The following APLP2 variants were observed in gnomAD, a reference collection of about 807,000 sequenced individuals.
The protein encoded by APLP2 is CDEI box-binding protein.
A neutral mutation model predicts 89.9 loss-of-function variants in APLP2; 53 were observed. That is an observed-to-expected ratio of 0.59 (90% CI 0.47 to 0.74). APLP2 has a LOEUF of 0.74. Ranked by LOEUF, APLP2 falls within the 30% of genes least tolerant of loss-of-function variation. The pLI is 0.00. For missense variants in APLP2, 973 were observed against 975.9 expected, an observed-to-expected ratio of 1.00 and a Z score of 0.04; for synonymous variants, 372 against 348.6, an observed-to-expected ratio of 1.07 and a Z score of -0.75.
chr11:130,086,621 GTCT>G (rs1944164683), intron 1 of APLP2, among the ~76,000 whole-genome samples: 2 of 152,212 alleles, frequency 1.3e-5, no homozygotes, highest in South Asian at 2.1e-4. Flanking sequence ...TTTCTCCTAA[GTCT>G]TCTTCTAAGC....
At chr11:130,120,904 A>G (rs1444575423) in intron 4 of APLP2, 86 bp downstream of exon 4, 1 of 923,318 alleles carries the variant, frequency 1.1e-6, no homozygotes, top group African/African-American at 1.6e-5. Flanking sequence ...CCATGCTTTT[A>G]AGTTAGTTAT....
chr11:130,141,478 C>T lies in APLP2; in HGVS notation c.1924-20C>T, dbSNP rs746237952. ...CGTTCACCCAGTTGCTTGCTGCCGA[C>T]ATTCTCATGACTGTTTCAGGTCATT... On this transcript the variant is annotated intron_variant, in intron 14 of 16. Transcript: ENST00000338167. The surrounding 1 kb of genome is among the most constrained non-coding windows in gnomAD (Gnocchi z 4.2). 1 of 1,608,498 alleles carries T rather than the reference C, an allele frequency of 6.2e-7. No homozygotes were observed. Among genetic ancestry groups the T allele is most frequent in the Non-Finnish European group, 8.5e-7 (1 of 1,175,112 alleles).
intron 12 of APLP2, among the ~76,000 whole-genome samples, chr11:130,135,167 A>G (rs1243207042): frequency 6.6e-6 from 1 of 152,124 alleles, no homozygotes; most frequent in African/African-American, 2.4e-5. Flanking sequence ...TATACTAAAA[A>G]TTTGCCGAGA....
chr11:130,115,998 T>C (rs1949113973), intron 3 of APLP2, among the ~76,000 whole-genome samples: 9 of 152,254 alleles, frequency 5.9e-5, no homozygotes. Flanking sequence ...TTTTTTTCTT[T>C]GGATACACAT....
At chr11:130,134,908 C>T (rs186556587) in intron 12 of APLP2, among the ~76,000 whole-genome samples, 2 of 152,092 alleles carry the variant, frequency 1.3e-5, no homozygotes, top group Non-Finnish European at 2.9e-5. Flanking sequence ...ATCCGGAGCT[C>T]TCTTGATACA....
chr11:130,070,910 C>T (rs893589699), intron 1 of APLP2, among the ~76,000 whole-genome samples: 37 of 126,314 alleles, frequency 2.9e-4, no homozygotes, highest in Non-Finnish European at 5.6e-4. Flanking sequence ...GGCGAAGCGG[C>T]AGGGCCGGGG....
chr11:130,140,382 ATC>A lies in APLP2; in HGVS notation c.1838-9_1838-8del, dbSNP rs1419992379. On this transcript the variant is annotated splice_polypyrimidine_tract_variant and intron_variant, in intron 13 of 16. Coordinates refer to ENST00000338167, the MANE Select transcript of APLP2 (RefSeq NM_001142276.2). Reference sequence around the variant, plus strand: ...GGCCATCCTTGGGAACTCAGCCATGATCTCTCTCCACACAGGATCTGGAGTGG... The same window carrying A: ...GGCCATCCTTGGGAACTCAGCCATGATCTCTCCACACAGGATCTGGAGTGG... 2 of 1,587,822 alleles carry A rather than the reference ATC, an allele frequency of 1.3e-6. No homozygotes were observed. The highest frequency in any genetic ancestry group is 1.8e-5 in the Admixed American group (1 of 54,948).
intron 12 of APLP2, among the ~76,000 whole-genome samples, chr11:130,134,131 T>C (rs7119924): frequency 0.037 from 5,698 of 152,296 alleles, 334 homozygotes; most frequent in African/African-American, 0.13. Flanking sequence ...AGTTTTATTA[T>C]GGCTGCTGCG....
chr11:130,121,645 G>A lies in APLP2; in HGVS notation c.548G>A (p.Ser183Asn), dbSNP rs1949832092. ...ACLTQGMTLY[S>N]YGMLLPCGVD... ...CTGACTCAGGGAATGACCTTATATA[G>A]CTACGGCATGCTGCTCCCATGTGGG... is the stretch of plus-strand genomic sequence containing the variant. The change falls in exon 5 of 17, where the codon AGC becomes AAC. Residue 183 changes from serine (S) to asparagine (N), a missense_variant. Physicochemically the swap from Ser to Asn is conservative, Grantham distance 46. Transcript: ENST00000338167. The A allele has an allele frequency of 6.2e-7, 1 of 1,613,958 alleles. No individual in the cohort carries two copies.
chr11:130,123,629 G>A lies in APLP2; in HGVS notation c.940G>A (p.Ala314Thr), dbSNP rs900550488. The change falls in exon 7 of 17, where the codon GCG becomes ACG. Residue 314 changes from alanine to threonine, a missense_variant. Coordinates refer to ENST00000338167, the MANE Select transcript of APLP2 (RefSeq NM_001142276.2). The surrounding 1 kb of genome is among the most constrained non-coding windows in gnomAD (Gnocchi z 4.0). ...TCACACAGCTGTCTGCTCCCAGGAG[G>A]CGATGACGGGGCCCTGCCGGGCCGT... ...HDVKAVCSQE[A>T]MTGPCRAVMP... The A allele has an allele frequency of 1.9e-6, 3 of 1,614,050 alleles. No individual in the cohort carries two copies. Among genetic ancestry groups the A allele is most frequent in the Non-Finnish European group, 1.7e-6 (2 of 1,179,958 alleles).
intron 1 of APLP2, chr11:130,070,619 C>T (rs1940811069): frequency 1.6e-5 from 23 of 1,430,076 alleles, no homozygotes; most frequent in African/African-American, 3.0e-5. Context: ...AGGGATGCTG[C>T]GAGCCCCGGG....
intron 1 of APLP2, among the ~76,000 whole-genome samples, chr11:130,090,315 G>A (rs1302894309): frequency 7.0e-6 from 1 of 143,640 alleles, no homozygotes; most frequent in African/African-American, 2.6e-5. Flanking sequence ...TCACAGAGGG[G>A]GATTTGGCAG....
intron 1 of APLP2, among the ~76,000 whole-genome samples, chr11:130,087,115 T>G (rs76238568): frequency 0.011 from 1,613 of 152,334 alleles, 34 homozygotes; most frequent in African/African-American, 0.038. Context: ...TTATTGTAAA[T>G]TAGTAATTAA....
At chr11:130,127,711 G>A in intron 8 of APLP2, 55 bp from the exon 9 acceptor site, 1 of 1,423,666 alleles carries the variant, frequency 7.0e-7, no homozygotes, top group Non-Finnish European at 9.9e-7. Flanking sequence ...AGCAAATGGA[G>A]GAGTTGTTTC....
At chr11:130,134,798 C>T (rs1007944683) in intron 12 of APLP2, among the ~76,000 whole-genome samples, 3 of 151,978 alleles carry the variant, frequency 2.0e-5, no homozygotes, top group Admixed American at 6.6e-5. Context: ...CCCAGGGCTG[C>T]GTGTGGGGTT....
chr11:130,104,049 G>A (rs1354749751), intron 1 of APLP2, among the ~76,000 whole-genome samples: 6 of 152,042 alleles, frequency 3.9e-5, no homozygotes. Flanking sequence ...GAAGTGGGAA[G>A]CAAAGGATTC....
chr11:130,121,657 T>G lies in APLP2; in HGVS notation c.560T>G (p.Leu187Arg), dbSNP rs1949833973. 6.2e-7 allele frequency: 1 copy of G among 1,614,196 alleles called. No homozygotes were observed. The highest frequency in any genetic ancestry group is 1.7e-5 in the Admixed American group (1 of 60,028). Reference sequence around the variant, plus strand: ...ATGACCTTATATAGCTACGGCATGCTGCTCCCATGTGGGGTAGACCAGTTC... The same window carrying G: ...ATGACCTTATATAGCTACGGCATGCGGCTCCCATGTGGGGTAGACCAGTTC... ...QGMTLYSYGM[L>R]LPCGVDQFHG... is the part of the protein sequence containing the mutation. Residue 187 changes from leucine (L) to arginine (R), a missense_variant, in exon 5 of 17, where the codon CTG becomes CGG. Transcript: ENST00000338167.
intron 1 of APLP2, among the ~76,000 whole-genome samples, chr11:130,098,272 G>T (rs901910730): frequency 6.6e-6 from 1 of 152,112 alleles, no homozygotes; most frequent in Non-Finnish European, 1.5e-5. Flanking sequence ...GGGTGTGGTG[G>T]CACGTGCCTG....
Position 130,116,801 on chromosome 11 carries a change from T to C in APLP2, c.404-3905T>C, listed in dbSNP as rs189882209. On this transcript the variant is annotated intron_variant, in intron 3 of 16. Transcript: ENST00000338167. ...TTAGGGTATCTTTTTAGAACTGGAA[T>C]TGTTGAATCAAAGAGTACTGTTAAA... Among the ~76,000 whole-genome samples, 236 of 152,194 alleles carry C rather than the reference T, an allele frequency of 1.6e-3. 1 individual carries two copies. Among genetic ancestry groups the C allele is most frequent in the African/African-American group, 4.9e-3 (203 of 41,514 alleles).
Sources: gnomAD v4.1 joint callset for allele counts (sites outside exome capture counted in the v4.1 genomes callset) on GRCh38, gnomAD v4.1.1 for gene constraint, Gnocchi (gnomAD v3.1) non-coding constraint, MANE v1.5 for transcripts, NCBI Gene and HGNC (gene_info 2026-07-23, HGNC 2026-07-21) for gene names.